The following AGO1 variants were observed in gnomAD, a reference collection of about 807,000 sequenced individuals.
AGO1 encodes the protein argonaute RISC component 1, also known as protein argonaute-1.
In AGO1, 11 loss-of-function variants were observed where a neutral mutation model predicts 109.2. The observed-to-expected ratio is 0.10, with a 90% CI of 0.06 to 0.17. The LOEUF is 0.17. AGO1 is among the 10% of genes least tolerant of loss of function. AGO1 has a pLI of 1.00. For missense variants in AGO1, 574 were observed against 1,140.3 expected (o/e 0.50, Z 7.15); for synonymous variants, 422 against 418.6 (o/e 1.01, Z -0.10).
chr1:35,919,679 A>G lies in AGO1; in HGVS notation c.*72A>G. 7.0e-7 allele frequency: 1 copy of G among 1,431,016 alleles called. No homozygotes were observed. Among genetic ancestry groups the G allele is most frequent in the South Asian group, 1.2e-5 (1 of 81,736 alleles). The allele number at this position is 1,431,016 out of a possible 1,614,324, so 88.6% of individuals were successfully genotyped here. A position where few individuals can be genotyped will look rare whatever the true frequency, so the allele number is the denominator to read the frequency against. On this transcript the variant is annotated 3_prime_UTR_variant, in exon 19 of 19. Transcript: ENST00000373204. The surrounding 1 kb of genome is among the most constrained non-coding windows in gnomAD (Gnocchi z 6.6). ...CCCAGGAGCTGTGCCACCCAAATCC[A>G]GAGGAAGCAAGGAGGAGGGAGGTGG...
In AGO1 at chr1:35,929,830, T is replaced by C. The variant is rs1646000550; in HGVS notation, c.*10223T>C. ...TAACATTTGGGGAGGATTTTCTCTG[T>C]GCTTTATGTATATTACCTAACCTTA... is the stretch of plus-strand genomic sequence containing the variant. On this transcript the variant is annotated 3_prime_UTR_variant, in exon 19 of 19. Coordinates refer to ENST00000373204, the MANE Select transcript of AGO1 (RefSeq NM_012199.5). 6.6e-6 allele frequency: 1 copy of C among 152,198 alleles called. No individual in the cohort carries two copies. Among genetic ancestry groups the C allele is most frequent in the Non-Finnish European group, 1.5e-5 (1 of 68,036 alleles). 9.4% of individuals were successfully genotyped at this position (152,198 alleles called of 1,614,324 possible).
chr1:35,886,993 C>G (rs1270207690), intron 1 of AGO1, among the ~76,000 whole-genome samples: 1 of 152,090 alleles, frequency 6.6e-6, no homozygotes, highest in Non-Finnish European at 1.5e-5. Context: ...GTCTGTCTGT[C>G]CGTGAGCTTG....
chr1:35,912,096 G>C (rs192611780), intron 12 of AGO1, among the ~76,000 whole-genome samples: 1 of 152,036 alleles, frequency 6.6e-6, no homozygotes, highest in African/African-American at 2.4e-5. Flanking sequence ...GGTGGCTCAC[G>C]CGTGTAATCC....
intron 16 of AGO1, among the ~76,000 whole-genome samples, chr1:35,917,963 C>G (rs1395927809): frequency 6.6e-6 from 1 of 152,122 alleles, no homozygotes; most frequent in Non-Finnish European, 1.5e-5. Flanking sequence ...GGCCTAGACC[C>G]CATATATAGA....
At position 35,929,991 on chromosome 1, in the gene AGO1, TA is replaced by T. The variant is rs879476871; in HGVS notation, c.*10390del. 7 of 152,146 alleles carry T rather than the reference TA, an allele frequency of 4.6e-5. No individual in the cohort carries two copies. The highest frequency in any genetic ancestry group is 1.0e-4 in the Non-Finnish European group (7 of 68,024). 9.4% of individuals were successfully genotyped at this position (152,146 alleles called of 1,614,324 possible). On this transcript the variant is annotated 3_prime_UTR_variant, in exon 19 of 19. Coordinates refer to ENST00000373204, the MANE Select transcript of AGO1 (RefSeq NM_012199.5). ...GGATATTCTTTCTCCTTTTCCTCTT[TA>T]AAAAATTATTTTGATTAAAAAAAAC... is the stretch of plus-strand genomic sequence containing the variant.
At chr1:35,876,825 C>G (rs557150826) in intron 1 of AGO1, among the ~76,000 whole-genome samples, 1 of 152,284 alleles carries the variant, frequency 6.6e-6, no homozygotes, top group Non-Finnish European at 1.5e-5. Context: ...CTGTGTCCCC[C>G]AGGCTGGAAT....
intron 11 of AGO1, among the ~76,000 whole-genome samples, chr1:35,906,353 G>C (rs537270207): frequency 6.6e-6 from 1 of 152,340 alleles, no homozygotes; most frequent in African/African-American, 2.4e-5. Context: ...TCAGCTGCTT[G>C]AGCGGGGCAA....
At chr1:35,878,879 C>A (rs1230603909), upstream of AGO1, among the ~76,000 whole-genome samples, 2 of 150,438 alleles carry the variant, frequency 1.3e-5, no homozygotes, top group Non-Finnish European at 3.0e-5. Context: ...ACATTGATTT[C>A]TTTTTTTCCT....
In AGO1 at chr1:35,917,735, A is replaced by T; in HGVS notation, c.2163+8A>T. 3 of 1,610,622 alleles carry T rather than the reference A, an allele frequency of 1.9e-6. No homozygotes were observed. Among genetic ancestry groups the T allele is most frequent in the Middle Eastern group, 3.3e-4 (2 of 6,036 alleles). ...GCTGACAAGAATGAGCGAGTGAGTG[A>T]GGGACTGAGGCCTCCCATCCCCTCC... is the stretch of plus-strand genomic sequence containing the variant. On this transcript the variant is annotated splice_region_variant and intron_variant, in intron 16 of 18. Transcript: ENST00000373204.
intron 8 of AGO1, among the ~76,000 whole-genome samples, chr1:35,896,747 C>T (rs867493527): frequency 6.6e-6 from 1 of 152,112 alleles, no homozygotes; most frequent in African/African-American, 2.4e-5. Context: ...TCAGAACTAA[C>T]CTGAGGGAGT....
At chr1:35,907,682 AACTC>A (rs540536007) in intron 12 of AGO1, among the ~76,000 whole-genome samples, 2 of 152,182 alleles carry the variant, frequency 1.3e-5, no homozygotes, top group Admixed American at 6.5e-5. Flanking sequence ...TTGTTCAACT[AACTC>A]CTCTGTGCTC....
chr1:35,889,115 T>A (rs1557604046), intron 2 of AGO1, among the ~76,000 whole-genome samples: 1 of 150,204 alleles, frequency 6.7e-6, no homozygotes, highest in Non-Finnish European at 1.5e-5. Context: ...ATGTCCTTGA[T>A]GAGGCAGAAG....
At chr1:35,891,154 A>G (rs1187573992) in intron 2 of AGO1, among the ~76,000 whole-genome samples, 1 of 152,212 alleles carries the variant, frequency 6.6e-6, no homozygotes, top group Non-Finnish European at 1.5e-5. Context: ...CATGAAAAAG[A>G]TTGCTAGGCA....
rs1645418778 is a variant in AGO1 at position 35,901,676 on chromosome 1, G to A, written c.1140+83G>A. 2 of 1,597,938 alleles carry A rather than the reference G, an allele frequency of 1.3e-6. No homozygotes were observed. The highest frequency in any genetic ancestry group is 2.2e-5 in the South Asian group (2 of 89,046). On this transcript the variant is annotated intron_variant, in intron 9 of 18. Coordinates refer to ENST00000373204, the MANE Select transcript of AGO1 (RefSeq NM_012199.5). This position sits in a 1 kb window ranked among gnomAD's most constrained non-coding sequence, Gnocchi z 4.8. ...AATGCCCCAGCAGGACCTTCCTTCA[G>A]GAGAACCCAAGTCTAGATTTGTTGC...
chr1:35,908,895 C>T (rs749248151), intron 12 of AGO1, among the ~76,000 whole-genome samples: 2 of 150,762 alleles, frequency 1.3e-5, no homozygotes, highest in Non-Finnish European at 3.0e-5. Flanking sequence ...CTCAGCTCAC[C>T]GCAACCTCCA....
chr1:35,881,797 C>A (rs1225629328), upstream of AGO1, among the ~76,000 whole-genome samples: 1 of 152,184 alleles, frequency 6.6e-6, no homozygotes, highest in African/African-American at 2.4e-5. Context: ...AAGCAGGCAT[C>A]AAAAATTTGT....
chr1:35,883,320 G>T lies in AGO1; in HGVS notation c.-102G>T, dbSNP rs1645059958. The T allele has an allele frequency of 6.6e-7, 1 of 1,510,462 alleles. No homozygotes were observed. 93.6% of individuals were successfully genotyped at this position (1,510,462 alleles called of 1,614,324 possible). ...CGGCCGGGCTTGGTAGGGGAGCCGAGCCCGGCCCGGGATCCCGAGCAGCGA... is the reference window on the plus strand; with the variant it reads ...CGGCCGGGCTTGGTAGGGGAGCCGATCCCGGCCCGGGATCCCGAGCAGCGA... On this transcript the variant is annotated 5_prime_UTR_variant, in exon 1 of 19. Coordinates refer to ENST00000373204, the MANE Select transcript of AGO1 (RefSeq NM_012199.5). The surrounding 1 kb of genome is among the most constrained non-coding windows in gnomAD (Gnocchi z 5.4).
chr1:35,873,896 GT>G (rs1644972972), intron 1 of AGO1: 1 of 152,122 alleles, frequency 6.6e-6, no homozygotes, highest in Non-Finnish European at 1.5e-5. Context: ...TGCAGATACT[GT>G]GTTTTTTTTG....
chr1:35,907,668 T>TA (rs1557616399), intron 12 of AGO1, among the ~76,000 whole-genome samples: 1 of 152,188 alleles, frequency 6.6e-6, no homozygotes, highest in East Asian at 1.9e-4. Flanking sequence ...GAGTTTTTCT[T>TA]ACCTTGTTCA....
Sources: allele counts gnomAD v4.1 joint callset (sites outside exome capture counted in the v4.1 genomes callset), GRCh38; gene constraint gnomAD v4.1.1; non-coding constraint Gnocchi (gnomAD v3.1); transcripts MANE v1.5; gene names NCBI Gene and HGNC (gene_info 2026-07-23, HGNC 2026-07-21).